Variants in ITPR3 observed in about 807,000 individuals in gnomAD.
ITPR3 encodes the protein inositol 1,4,5-trisphosphate receptor type 3, also known as inositol 1,4,5-trisphosphate-gated calcium channel ITPR3.
Under a neutral mutation model 293.2 loss-of-function variants are expected in ITPR3, and 173 were observed. That is an observed-to-expected ratio of 0.59 (90% CI 0.52 to 0.67). ITPR3 has a LOEUF of 0.67. ITPR3 is among the 30% of genes least tolerant of loss of function. ITPR3 has a pLI of 0.00. For synonymous variants in ITPR3, 1,295 were observed against 1,444.4 expected (o/e 0.90, Z 2.35); for missense variants, 2,796 against 3,592.1 (o/e 0.78, Z 5.66).
In ITPR3 at chr6:33,654,523, A is replaced by C. The variant is rs1167684656; in HGVS notation, c.161-1243A>C. Among the ~76,000 whole-genome samples, 1 of 152,102 alleles carries C rather than the reference A, an allele frequency of 6.6e-6. No homozygotes were observed. Among genetic ancestry groups the C allele is most frequent in the Non-Finnish European group, 1.5e-5 (1 of 68,028 alleles). ...GAGCTTTTGCCTCCTTATGAACTGG[A>C]TGGAAAATCTAATTTTTCTTTGGTC... On this transcript the variant is annotated intron_variant, in intron 2 of 57. Transcript: ENST00000605930. This position sits in a 1 kb window ranked among gnomAD's most constrained non-coding sequence, Gnocchi z 4.1.
Position 33,662,511 on chromosome 6 carries a change from C to T in ITPR3, c.712-17C>T. ...GAGGGGCCGCAGCCATCCTGAGCCA[C>T]ACCCTGCTGCCTGCAGGGAGACGTG... On this transcript the variant is annotated splice_polypyrimidine_tract_variant and intron_variant, in intron 7 of 57. Transcript: ENST00000605930. The T allele has an allele frequency of 6.4e-7, 1 of 1,567,950 alleles. No individual in the cohort carries two copies. Among genetic ancestry groups the T allele is most frequent in the Non-Finnish European group, 8.6e-7 (1 of 1,160,186 alleles).
intron 57 of ITPR3, chr6:33,695,290 G>A (rs1037620998): frequency 1.5e-5 from 9 of 612,996 alleles, no homozygotes; most frequent in Admixed American, 3.0e-5. Context: ...TAAAGACAAG[G>A]CCAAGTGGAA....
chr6:33,667,143 G>C lies in ITPR3; in HGVS notation c.1566G>C (p.Leu522=). The stretch of plus-strand genomic sequence containing the variant: ...TATTCCCCCAGGTCTTTGGCATTCT[G>C]AAGGCCCCGTTCCGTGAGAAGGGGG... ...QNILKQVFGI[L]KAPFREKGGE... The change falls in exon 15 of 58, where the codon CTG becomes CTC. Residue 522 remains leucine (L), a synonymous_variant. Transcript: ENST00000605930. The surrounding 1 kb of genome is among the most constrained non-coding windows in gnomAD (Gnocchi z 4.4). 1 of 1,614,072 alleles carries C rather than the reference G, an allele frequency of 6.2e-7. No homozygotes were observed. Among genetic ancestry groups the C allele is most frequent in the Non-Finnish European group, 8.5e-7 (1 of 1,179,954 alleles).
intron 2 of ITPR3, among the ~76,000 whole-genome samples, chr6:33,648,280 C>T (rs1026068084): frequency 4.0e-5 from 6 of 151,820 alleles, no homozygotes; most frequent in Non-Finnish European, 7.4e-5. Flanking sequence ...TGCCCAGGCT[C>T]GTCTCAAATT....
intron 2 of ITPR3, among the ~76,000 whole-genome samples, chr6:33,649,397 G>A (rs1329609538): frequency 6.6e-6 from 1 of 151,848 alleles, no homozygotes; most frequent in Non-Finnish European, 1.5e-5. Context: ...AACTAATTTT[G>A]TATTTTTGGT....
At chr6:33,694,849 A>C in intron 56 of ITPR3, 75 bp from the exon 57 acceptor site, 1 of 1,579,984 alleles carries the variant, frequency 6.3e-7, no homozygotes, top group Non-Finnish European at 8.7e-7. Context: ...GCCTCCCCCC[A>C]CATTACTGTT....
At chr6:33,677,337 G>GT (rs1764933590) in intron 27 of ITPR3, among the ~76,000 whole-genome samples, 167 bp from the exon 28 acceptor site, 1 of 152,148 alleles carries the variant, frequency 6.6e-6, no homozygotes, top group South Asian at 2.1e-4. Context: ...GGGTGGAATT[G>GT]GTTTTTTTAG....
intron 2 of ITPR3, among the ~76,000 whole-genome samples, chr6:33,648,886 G>T (rs941545523): frequency 7.3e-5 from 11 of 150,478 alleles, no homozygotes; most frequent in Admixed American, 7.3e-4. Flanking sequence ...GAGCCACCAC[G>T]CCCAGGCTGC....
rs1764262066 is a variant in ITPR3, at chr6:33,654,486, G to A, written c.161-1280G>A. 6.6e-6 allele frequency among the ~76,000 whole-genome samples: 1 copy of A among 152,054 alleles called. No individual in the cohort carries two copies. The highest frequency in any genetic ancestry group is 2.1e-4 in the South Asian group (1 of 4,814). On this transcript the variant is annotated intron_variant, in intron 2 of 57. Transcript: ENST00000605930. This position sits in a 1 kb window ranked among gnomAD's most constrained non-coding sequence, Gnocchi z 4.1. ...TTTGGTTCACTCTGTTTCTACTCCC[G>A]ATGGTCCCATGGAGCTTTTGCCTCC...
chr6:33,669,255 C>T, intron 18 of ITPR3, 99 bp downstream of exon 18: 1 of 1,261,414 alleles, frequency 7.9e-7, no homozygotes, highest in Non-Finnish European at 1.1e-6. Flanking sequence ...CTGACAGCCT[C>T]AGGTGGGGCT....
In ITPR3 at chr6:33,678,636, C is replaced by A. The variant is rs1249785737; in HGVS notation, c.3772-3C>A. ...TCTTTCTGACAGATGCCCCCCACTG[C>A]AGCTCCTGGAGGCAGAGACCATGCA... On this transcript the variant is annotated splice_polypyrimidine_tract_variant and splice_region_variant and intron_variant, in intron 29 of 57. Coordinates refer to ENST00000605930, the MANE Select transcript of ITPR3 (RefSeq NM_002224.4). The A allele has an allele frequency of 2.5e-6, 4 of 1,611,044 alleles. No individual in the cohort carries two copies. Among genetic ancestry groups the A allele is most frequent in the Non-Finnish European group, 3.4e-6 (4 of 1,179,118 alleles).
intron 1 of ITPR3, among the ~76,000 whole-genome samples, chr6:33,634,410 C>T (rs1468118571): frequency 1.3e-5 from 2 of 152,092 alleles, no homozygotes; most frequent in East Asian, 3.9e-4. Flanking sequence ...TGCCCAAGGT[C>T]CCATCTCCTG....
chr6:33,690,328 A>C, intron 51 of ITPR3, 130 bp downstream of exon 51: 3 of 979,328 alleles, frequency 3.1e-6, no homozygotes, highest in Non-Finnish European at 4.5e-6. Context: ...GGAGCAGTGA[A>C]ATTACAGAGT....
At chr6:33,622,081 C>T (rs1763451193) in intron 1 of ITPR3, among the ~76,000 whole-genome samples, 1 of 152,092 alleles carries the variant, frequency 6.6e-6, no homozygotes. Flanking sequence ...GCGGAGCTGT[C>T]GGGAGTGGGC....
intron 49 of ITPR3, 121 bp downstream of exon 49, chr6:33,688,902 AC>A: frequency 2.3e-6 from 3 of 1,326,080 alleles, no homozygotes; most frequent in Non-Finnish European, 1.1e-6. Context: ...GTGCAGAAGC[AC>A]CCCCTGCGCC....
Position 33,685,776 on chromosome 6 carries a change from C to T in ITPR3, c.5616C>T (p.Pro1872=). 6.3e-7 allele frequency: 1 copy of T among 1,594,910 alleles called. No individual in the cohort carries two copies. Among genetic ancestry groups the T allele is most frequent in the Non-Finnish European group, 8.6e-7 (1 of 1,167,968 alleles). The change falls in exon 41 of 58, where the codon CCC becomes CCT. Residue 1872 remains proline, a synonymous_variant. Coordinates refer to ENST00000605930, the MANE Select transcript of ITPR3 (RefSeq NM_002224.4). The stretch of plus-strand genomic sequence containing the variant: ...GCACATCCGTGCTCATCATGCAGCC[C>T]ATCCTGCGCTTTCTGCAGCTGCTGT... ...EMGTSVLIMQ[P]ILRFLQLLCE...
rs761564849 is a variant in ITPR3, at chr6:33,675,746, G to A, written c.3172G>A (p.Val1058Met). The A allele has an allele frequency of 1.8e-5, 29 of 1,612,908 alleles. 1 individual carries two copies. Among genetic ancestry groups the A allele is most frequent in the African/African-American group, 1.1e-4 (8 of 74,904 alleles). Residue 1058 changes from valine to methionine, a missense_variant, in exon 25 of 58, where the codon GTG (valine) becomes ATG (methionine). By Grantham distance (21) the Val-to-Met change is conservative. This residue lies in a region of ITPR3 where 955 missense variants were observed against 1,180.8 expected (regional missense o/e 0.81). Coordinates refer to ENST00000605930, the MANE Select transcript of ITPR3 (RefSeq NM_002224.4). The surrounding 1 kb of genome is among the most constrained non-coding windows in gnomAD (Gnocchi z 5.0). ...DDEGGRMFLRVLIHLTMHDYA... is the reference protein window; with the variant it reads ...DDEGGRMFLRMLIHLTMHDYA... ...CGAGGGCGGCCGCATGTTCCTGCGC[G>A]TGCTCATCCACCTCACCATGCACGA...
chr6:33,682,374 C>G lies in ITPR3; in HGVS notation c.4477-150C>G, dbSNP rs942102852. Reference sequence around the variant, plus strand: ...GCACTGCTGAAGGGAATACAAGTACCTTTTTCCAACTGGCACAGAGGCACA... The same window carrying G: ...GCACTGCTGAAGGGAATACAAGTACGTTTTTCCAACTGGCACAGAGGCACA... On this transcript the variant is annotated intron_variant, in intron 33 of 57. Transcript: ENST00000605930. The surrounding 1 kb of genome is among the most constrained non-coding windows in gnomAD (Gnocchi z 5.4). 1.1e-6 allele frequency: 1 copy of G among 911,616 alleles called. No homozygotes were observed. 56.5% of individuals were successfully genotyped at this position (911,616 alleles called of 1,614,324 possible). A position where few individuals can be genotyped will look rare whatever the true frequency, so the allele number is the denominator to read the frequency against.
chr6:33,693,458 C>T, intron 55 of ITPR3, 87 bp from the exon 56 acceptor site: 1 of 1,439,670 alleles, frequency 6.9e-7, no homozygotes, highest in Non-Finnish European at 9.7e-7. Context: ...ATGCCTCCAA[C>T]CCCCGGAAGC....
Sources: allele counts gnomAD v4.1 joint callset (sites outside exome capture counted in the v4.1 genomes callset), GRCh38; gene constraint gnomAD v4.1.1; regional missense constraint gnomAD v4.1.1; non-coding constraint Gnocchi (gnomAD v3.1); transcripts MANE v1.5; gene names NCBI Gene and HGNC (gene_info 2026-07-23, HGNC 2026-07-21).